FRAS1: variants seen among roughly 807,000 people sequenced by gnomAD.
The protein encoded by FRAS1 is extracellular matrix organizing protein FRAS1.
In FRAS1, 290 loss-of-function variants were observed where a neutral mutation model predicts 435.2. The observed-to-expected ratio is 0.67, with a 90% CI of 0.61 to 0.73. FRAS1 has a LOEUF of 0.73. FRAS1 is among the 30% of genes least tolerant of loss of function. The pLI is 0.00. For synonymous variants in FRAS1, 1,800 were observed against 1,851.0 expected, an observed-to-expected ratio of 0.97 and a Z score of 0.71; for missense variants, 4,860 against 5,001.5, an observed-to-expected ratio of 0.97 and a Z score of 0.85.
intron 43 of FRAS1, among the ~76,000 whole-genome samples, chr4:78,447,375 G>T (rs761743037): frequency 1.4e-4 from 21 of 148,636 alleles, no homozygotes; most frequent in Non-Finnish European, 2.7e-4. Flanking sequence ...TTTTTTAAGA[G>T]CCATCTCTCC....
chr4:78,171,542 C>G (rs1306606415), intron 2 of FRAS1, among the ~76,000 whole-genome samples: 1 of 152,162 alleles, frequency 6.6e-6, no homozygotes, highest in Non-Finnish European at 1.5e-5. Context: ...CACCTCCACC[C>G]CCACACCTAC....
At chr4:78,228,186 C>G (rs1045257539) in intron 2 of FRAS1, among the ~76,000 whole-genome samples, 1 of 151,920 alleles carries the variant, frequency 6.6e-6, no homozygotes, top group African/African-American at 2.4e-5. Context: ...CTTTTTTCCC[C>G]CATTTCCCTT....
intron 2 of FRAS1, among the ~76,000 whole-genome samples, chr4:78,131,257 A>G (rs1201078945): frequency 1.3e-5 from 2 of 152,184 alleles, no homozygotes; most frequent in African/African-American, 4.8e-5. Context: ...GATTTGATAT[A>G]GAAGTTTAAA....
In FRAS1 at chr4:78,421,970, C is replaced by T. The variant is rs148663672; in HGVS notation, c.4648C>T (p.Leu1550Phe). Residue 1550 changes from leucine to phenylalanine, a missense_variant, in exon 34 of 74, where the codon CTC becomes TTC. By Grantham distance (22) the Leu-to-Phe change is conservative (BLOSUM62 0). Coordinates refer to ENST00000512123, the MANE Select transcript of FRAS1 (RefSeq NM_025074.7). Reference sequence around the variant, plus strand: ...CCGCCCTCCCCCGGCAGCACCCCACCTCCAGGAGCTCATGGCCTTCTCGTT... The same window carrying T: ...CCGCCCTCCCCCGGCAGCACCCCACTTCCAGGAGCTCATGGCCTTCTCGTT... The part of the protein sequence containing the change: ...MYRPPPAAPH[L>F]QELMAFSFAG... 4.3e-3 allele frequency: 6,914 copies of T among 1,613,272 alleles called. 15 individuals are homozygous for T. The highest frequency in any genetic ancestry group is 5.5e-3 in the Non-Finnish European group (6,490 of 1,179,486).
At chr4:78,275,714 G>A (rs905796632) in intron 9 of FRAS1, among the ~76,000 whole-genome samples, 4 of 152,166 alleles carry the variant, frequency 2.6e-5, no homozygotes, top group African/African-American at 4.8e-5. Context: ...CCCTTTGTGG[G>A]CAACCTGACC....
chr4:78,070,411 T>TGG (rs2109857760), intron 2 of FRAS1: 2 of 152,308 alleles, frequency 1.3e-5, no homozygotes, highest in African/African-American at 4.8e-5. Flanking sequence ...GCTCTCTCCC[T>TGG]TCTCTTTTCT....
Position 78,159,740 on chromosome 4 carries a change from G to A in FRAS1, c.109-77770G>A, listed in dbSNP as rs530568217. Among the ~76,000 whole-genome samples, 20 of 152,214 alleles carry A rather than the reference G, an allele frequency of 1.3e-4. 1 individual carries two copies. Among genetic ancestry groups the A allele is most frequent in the African/African-American group, 4.3e-4 (18 of 41,522 alleles). ...TACTAAAAATACAAAAATTGGCCAGGCATGGTGGTATGTGCCTATAATCCC... is the reference window on the plus strand; with the variant it reads ...TACTAAAAATACAAAAATTGGCCAGACATGGTGGTATGTGCCTATAATCCC... On this transcript the variant is annotated intron_variant, in intron 2 of 73. Coordinates refer to ENST00000512123, the MANE Select transcript of FRAS1 (RefSeq NM_025074.7).
At chr4:78,213,841 T>C (rs536053760) in intron 2 of FRAS1, among the ~76,000 whole-genome samples, 2 of 152,242 alleles carry the variant, frequency 1.3e-5, no homozygotes, top group Non-Finnish European at 2.9e-5. Flanking sequence ...TCATTGGTCA[T>C]CACCTCTGTA....
intron 59 of FRAS1, among the ~76,000 whole-genome samples, chr4:78,494,018 T>C (rs1310737805): frequency 6.6e-6 from 1 of 152,054 alleles, no homozygotes; most frequent in African/African-American, 2.4e-5. Flanking sequence ...TGTTTTTTTT[T>C]ATTCATTTTG....
chr4:78,374,042 C>T, intron 24 of FRAS1, 69 bp from the exon 25 acceptor site: 1 of 1,458,652 alleles, frequency 6.9e-7, no homozygotes, highest in Non-Finnish European at 9.2e-7. Flanking sequence ...CTCATGCTGC[C>T]TTTCCACAAA....
chr4:78,162,322 G>A (rs1010555271), intron 2 of FRAS1, among the ~76,000 whole-genome samples: 3 of 152,114 alleles, frequency 2.0e-5, no homozygotes, highest in Admixed American at 6.5e-5. Flanking sequence ...AGGAATTTAT[G>A]ATTATGTGTT....
Position 78,475,502 on chromosome 4 carries a change from C to A in FRAS1, c.7747C>A (p.Gln2583Lys). Residue 2583 changes from glutamine to lysine, a missense_variant, in exon 54 of 74, where the codon CAA becomes AAA. Coordinates refer to ENST00000512123, the MANE Select transcript of FRAS1 (RefSeq NM_025074.7). Reference protein sequence around the residue: ...VTVQRTGNLNQYAIVLCRTEQ... With the variant: ...VTVQRTGNLNKYAIVLCRTEQ... ...GGTGCAGAGGACTGGGAACCTGAAC[C>A]AATATGCCATCGTCCTGTGTCGCAC... The A allele has an allele frequency of 1.2e-6, 2 of 1,613,880 alleles. No homozygotes were observed. Among genetic ancestry groups the A allele is most frequent in the South Asian group, 2.2e-5 (2 of 91,076 alleles).
chr4:78,259,567 T>C (rs1725974297), intron 6 of FRAS1, among the ~76,000 whole-genome samples: 1 of 151,762 alleles, frequency 6.6e-6, no homozygotes, highest in Non-Finnish European at 1.5e-5. Context: ...TGTTTTTTTC[T>C]TGTAAATTTG....
intron 2 of FRAS1, among the ~76,000 whole-genome samples, chr4:78,220,280 G>T (rs1176817127): frequency 6.6e-6 from 1 of 152,220 alleles, no homozygotes; most frequent in Non-Finnish European, 1.5e-5. Context: ...ATTCAGCCAA[G>T]AATGGATTTT....
At chr4:78,069,586 C>CT (rs11412275) in intron 2 of FRAS1, among the ~76,000 whole-genome samples, 33,330 of 151,830 alleles carry the variant, frequency 0.22, 3,912 homozygotes, top group African/African-American at 0.29. Flanking sequence ...CTTATTGCCC[C>CT]GATGTGAAAT....
chr4:78,339,074 A>T (rs972415137), intron 20 of FRAS1, among the ~76,000 whole-genome samples: 1 of 152,188 alleles, frequency 6.6e-6, no homozygotes, highest in Non-Finnish European at 1.5e-5. Flanking sequence ...CAGAATTCCT[A>T]TCAGCTGTAG....
chr4:78,105,438 A>T (rs1742355866), intron 2 of FRAS1, among the ~76,000 whole-genome samples: 1 of 152,166 alleles, frequency 6.6e-6, no homozygotes, highest in Admixed American at 6.5e-5. Flanking sequence ...GCACAATGAA[A>T]GGAGAGATAC....
At chr4:78,276,518 AG>A (rs1451556291) in intron 9 of FRAS1, among the ~76,000 whole-genome samples, 3 of 152,148 alleles carry the variant, frequency 2.0e-5, no homozygotes, top group Non-Finnish European at 4.4e-5. Context: ...TGCGTTTATT[AG>A]TTTTCCTTCT....
intron 38 of FRAS1, among the ~76,000 whole-genome samples, chr4:78,435,244 T>C (rs2109818597): frequency 6.6e-6 from 1 of 152,250 alleles, no homozygotes; most frequent in East Asian, 1.9e-4. Flanking sequence ...CCAGGGTGGA[T>C]GACAGAGCAA....
Sources: gnomAD v4.1 joint callset for allele counts (sites outside exome capture counted in the v4.1 genomes callset) on GRCh38, gnomAD v4.1.1 for gene constraint, MANE v1.5 for transcripts, NCBI Gene and HGNC (gene_info 2026-07-23, HGNC 2026-07-21) for gene names.